MLLT3: variants seen among roughly 807,000 people sequenced by gnomAD.
The protein encoded by MLLT3 is protein AF-9.
MLLT3 carries 4 observed loss-of-function variants against 53.2 expected under a neutral mutation model. The ratio of observed to expected loss-of-function variants is 0.08; its 90% CI spans 0.04 to 0.17. MLLT3 has a LOEUF of 0.17. Among genes scored for constraint, MLLT3 ranks in the 10% least tolerant of loss-of-function variants. The pLI is 1.00. For synonymous variants in MLLT3, 283 were observed against 230.6 expected (o/e 1.23, Z -2.06); for missense variants, 569 against 684.0 (o/e 0.83, Z 1.87).
chr9:20,614,255 GT>G (rs1346777687), intron 2 of MLLT3, among the ~76,000 whole-genome samples: 1 of 151,720 alleles, frequency 6.6e-6, no homozygotes. Context: ...TTAGCCGGGC[GT>G]GGTGGCGCAT....
At chr9:20,611,778 G>A (rs1203576312) in intron 2 of MLLT3, among the ~76,000 whole-genome samples, 2 of 152,006 alleles carry the variant, frequency 1.3e-5, no homozygotes, top group East Asian at 1.9e-4. Flanking sequence ...TTCTTCAGTC[G>A]TCAACCACTG....
chr9:20,484,245 T>A (rs1824747309), intron 2 of MLLT3, among the ~76,000 whole-genome samples: 1 of 152,102 alleles, frequency 6.6e-6, no homozygotes, highest in African/African-American at 2.4e-5. Context: ...CCTACTAGTA[T>A]CACTATATTT....
chr9:20,620,940 A>C lies in MLLT3; in HGVS notation c.13-106T>G. The C allele has an allele frequency of 4.0e-6, 5 of 1,264,912 alleles. No individual in the cohort carries two copies. The highest frequency in any genetic ancestry group is 3.4e-6 in the Non-Finnish European group (3 of 886,110). 78.4% of individuals were successfully genotyped at this position (1,264,912 alleles called of 1,614,324 possible). A position where few individuals can be genotyped will look rare whatever the true frequency, so the allele number is the denominator to read the frequency against. ...TTCCTCCTTCTTGAAACGCACATAA[A>C]AGGAAACGGCGGTGCCCTCTGCATC... On this transcript the variant is annotated intron_variant, in intron 1 of 10. Transcript: ENST00000380338. This position sits in a 1 kb window ranked among gnomAD's most constrained non-coding sequence, Gnocchi z 6.1.
At chr9:20,572,152 T>C (rs1819546810) in intron 2 of MLLT3, among the ~76,000 whole-genome samples, 1 of 152,004 alleles carries the variant, frequency 6.6e-6, no homozygotes, top group South Asian at 2.1e-4. Flanking sequence ...ATGTGGAATC[T>C]AAAAAGTCAA....
chr9:20,419,129 G>A (rs1822946293), intron 4 of MLLT3, among the ~76,000 whole-genome samples: 2 of 151,956 alleles, frequency 1.3e-5, no homozygotes, highest in Non-Finnish European at 2.9e-5. Flanking sequence ...AAATATTGAG[G>A]TCAAAAGCAG....
At chr9:20,586,735 G>C (rs866185399) in intron 2 of MLLT3, among the ~76,000 whole-genome samples, 1 of 151,886 alleles carries the variant, frequency 6.6e-6, no homozygotes, top group Non-Finnish European at 1.5e-5. Flanking sequence ...GGGAAAAAAA[G>C]TAGAGAAATA....
chr9:20,513,008 T>A (rs1229687868), intron 2 of MLLT3, among the ~76,000 whole-genome samples: 1 of 152,252 alleles, frequency 6.6e-6, no homozygotes, highest in East Asian at 1.9e-4. Context: ...GAACTGTAAG[T>A]GAGGCTCTGT....
intron 5 of MLLT3, among the ~76,000 whole-genome samples, chr9:20,389,469 T>G (rs918616423): frequency 2.0e-5 from 3 of 152,124 alleles, no homozygotes; most frequent in African/African-American, 7.2e-5. Flanking sequence ...TGCACAATTC[T>G]GGAATATACT....
intron 2 of MLLT3, among the ~76,000 whole-genome samples, chr9:20,526,464 C>G (rs1359091454): frequency 6.6e-6 from 1 of 152,132 alleles, no homozygotes; most frequent in Admixed American, 6.5e-5. Context: ...ATGTGTATGG[C>G]TTATGCATAG....
rs76912808 is a variant in MLLT3, at chr9:20,342,710, C to T, written c.*3733G>A. ...GGTCAAAAGATGTAGACTTCCAGCC[C>T]GAGACTAAACTAAACCATGGGAATT... is the stretch of plus-strand genomic sequence containing the variant. On this transcript the variant is annotated 3_prime_UTR_variant, in exon 11 of 11. Coordinates refer to ENST00000380338, the MANE Select transcript of MLLT3 (RefSeq NM_004529.4). 1.1e-3 allele frequency: 237 copies of T among 207,158 alleles called. No homozygotes were observed. The highest frequency in any genetic ancestry group is 5.0e-3 in the African/African-American group (219 of 43,766). 12.8% of individuals were successfully genotyped at this position (207,158 alleles called of 1,614,324 possible).
chr9:20,387,016 C>T (rs931965050), intron 5 of MLLT3, among the ~76,000 whole-genome samples: 2 of 152,214 alleles, frequency 1.3e-5, no homozygotes, highest in Non-Finnish European at 2.9e-5. Flanking sequence ...GTATTAGCCA[C>T]TTTTCCCTGC....
At chr9:20,602,054 A>G (rs544178165) in intron 2 of MLLT3, among the ~76,000 whole-genome samples, 2 of 152,306 alleles carry the variant, frequency 1.3e-5, no homozygotes, top group Non-Finnish European at 2.9e-5. Flanking sequence ...ACACACAAAG[A>G]TATAATCCCA....
chr9:20,433,610 T>C (rs1823331769), intron 4 of MLLT3, among the ~76,000 whole-genome samples: 1 of 152,034 alleles, frequency 6.6e-6, no homozygotes, highest in Non-Finnish European at 1.5e-5. Flanking sequence ...AGTGCAGATA[T>C]TCCTACCAAA....
chr9:20,563,014 C>G (rs1208594183), intron 2 of MLLT3, among the ~76,000 whole-genome samples: 3 of 152,118 alleles, frequency 2.0e-5, no homozygotes, highest in Non-Finnish European at 4.4e-5. Flanking sequence ...CAGCTCACAG[C>G]CCTGCTGGCT....
chr9:20,457,691 T>A (rs886251998), intron 2 of MLLT3, among the ~76,000 whole-genome samples: 1 of 152,114 alleles, frequency 6.6e-6, no homozygotes, highest in Non-Finnish European at 1.5e-5. Context: ...ACACTTAAGA[T>A]CTAATCACAT....
At chr9:20,403,739 G>A (rs1472205479) in intron 5 of MLLT3, among the ~76,000 whole-genome samples, 1 of 152,184 alleles carries the variant, frequency 6.6e-6, no homozygotes, top group Non-Finnish European at 1.5e-5. Flanking sequence ...TAGGACACGT[G>A]AAAATAGAGT....
At chr9:20,394,402 G>A (rs574603691) in intron 5 of MLLT3, among the ~76,000 whole-genome samples, 3 of 152,292 alleles carry the variant, frequency 2.0e-5, no homozygotes, top group Admixed American at 6.5e-5. Context: ...CCTAGACACT[G>A]AGCCAATTAG....
At chr9:20,559,908 T>C (rs2131150980) in intron 2 of MLLT3, among the ~76,000 whole-genome samples, 1 of 152,304 alleles carries the variant, frequency 6.6e-6, no homozygotes, top group African/African-American at 2.4e-5. Flanking sequence ...ACTATGTTCT[T>C]AACCCTACGT....
At chr9:20,375,003 T>C (rs1175091600) in intron 5 of MLLT3, among the ~76,000 whole-genome samples, 1 of 152,228 alleles carries the variant, frequency 6.6e-6, no homozygotes, top group East Asian at 1.9e-4. Flanking sequence ...TTCTTTTCTT[T>C]CTTACTATGT....
Sources: gnomAD v4.1 joint callset for allele counts (sites outside exome capture counted in the v4.1 genomes callset) on GRCh38, gnomAD v4.1.1 for gene constraint, Gnocchi (gnomAD v3.1) non-coding constraint, MANE v1.5 for transcripts, NCBI Gene and HGNC (gene_info 2026-07-23, HGNC 2026-07-21) for gene names.